MYOZ1: variants seen among roughly 807,000 people sequenced by gnomAD.
MYOZ1 encodes the protein myozenin 1.
MYOZ1 carries 20 observed loss-of-function variants against 28.7 expected under a neutral mutation model. The ratio of observed to expected loss-of-function variants is 0.70; its 90% CI spans 0.49 to 1.01. The LOEUF is 1.01. Among genes scored for constraint, MYOZ1 ranks in the 50% least tolerant of loss-of-function variants. MYOZ1 has a pLI of 0.00. For missense variants in MYOZ1, 371 were observed against 372.4 expected, an observed-to-expected ratio of 1.00 and a Z score of 0.03; for synonymous variants, 144 against 145.8, an observed-to-expected ratio of 0.99 and a Z score of 0.09.
chr10:73,635,606 A>C (rs2081663277), intron 3 of MYOZ1, among the ~76,000 whole-genome samples: 1 of 150,982 alleles, frequency 6.6e-6, no homozygotes, highest in Non-Finnish European at 1.5e-5. Flanking sequence ...CTGGTCTCAA[A>C]CTCCTGGGCT....
Position 73,632,068 on chromosome 10 carries a change from G to T in MYOZ1, c.762C>A (p.Pro254=). 1 of 1,614,164 alleles carries T rather than the reference G, an allele frequency of 6.2e-7. No homozygotes were observed. Among genetic ancestry groups the T allele is most frequent in the Non-Finnish European group, 8.5e-7 (1 of 1,180,042 alleles). The part of the protein sequence containing the change: ...KFDLGPLLSE[P]LVLYNQNLSN... ...AGAGGTTTTGGTTGTAGAGGACCAGGGGTTCACTCAGCAAGGGCCCCAGGT... is the reference window on the plus strand; with the variant it reads ...AGAGGTTTTGGTTGTAGAGGACCAGTGGTTCACTCAGCAAGGGCCCCAGGT... Residue 254 remains proline, a synonymous_variant, in exon 6 of 6, where the codon CCC becomes CCA. Coordinates refer to ENST00000359322, the MANE Select transcript of MYOZ1 (RefSeq NM_021245.4).
chr10:73,636,050 C>A (rs1199859865), intron 3 of MYOZ1, among the ~76,000 whole-genome samples: 1 of 152,170 alleles, frequency 6.6e-6, no homozygotes, highest in Admixed American at 6.5e-5. Flanking sequence ...TAGATATGAG[C>A]AGCTCAGCAC....
At chr10:73,637,654 T>A in intron 3 of MYOZ1, 90 bp downstream of exon 3, 1 of 1,237,262 alleles carries the variant, frequency 8.1e-7, no homozygotes, top group Non-Finnish European at 1.1e-6. Flanking sequence ...AGGGAGGGGA[T>A]GTTGACTGCA....
Position 73,631,830 on chromosome 10 carries a change from A to T in MYOZ1, c.*100T>A, listed in dbSNP as rs1050700706. The T allele has an allele frequency of 2.5e-5, 26 of 1,051,100 alleles. No individual in the cohort carries two copies. Among genetic ancestry groups the T allele is most frequent in the Admixed American group, 8.6e-5 (4 of 46,386 alleles). The allele number at this position is 1,051,100 out of a possible 1,614,324, so 65.1% of individuals were successfully genotyped here. On this transcript the variant is annotated 3_prime_UTR_variant, in exon 6 of 6. Coordinates refer to ENST00000359322, the MANE Select transcript of MYOZ1 (RefSeq NM_021245.4). ...ATCTCTCCTTTTTCCCTCCATTCCC[A>T]TAAGGATACTGGATTAACAATGGGG... is the stretch of plus-strand genomic sequence containing the variant.
At position 73,639,979 on chromosome 10, in the gene MYOZ1, C is replaced by G. The variant is rs759834682; in HGVS notation, c.39G>C (p.Arg13Ser). Reference sequence around the variant, plus strand: ...GTTCCATGATCAGCTTGCTGGATTTCCTCTTCTTATTAGGGGCCGGGGTTC... The same window carrying G: ...GTTCCATGATCAGCTTGCTGGATTTGCTCTTCTTATTAGGGGCCGGGGTTC... ...LSGTPAPNKK[R>S]KSSKLIMELT... The change falls in exon 2 of 6, where the codon AGG becomes AGC. Residue 13 changes from arginine to serine, a missense_variant. Coordinates refer to ENST00000359322, the MANE Select transcript of MYOZ1 (RefSeq NM_021245.4). The G allele has an allele frequency of 8.1e-6, 13 of 1,613,852 alleles. No homozygotes were observed. Among genetic ancestry groups the G allele is most frequent in the Non-Finnish European group, 1.1e-5 (13 of 1,179,952 alleles).
At chr10:73,632,301 G>T in intron 5 of MYOZ1, 140 bp from the exon 6 acceptor site, 1 of 769,506 alleles carries the variant, frequency 1.3e-6, no homozygotes, top group Non-Finnish European at 2.1e-6. Flanking sequence ...TTCTTCCTTA[G>T]CATCCCATTT....
At chr10:73,640,281 C>G (rs1350020514) in intron 1 of MYOZ1, among the ~76,000 whole-genome samples, 1 of 152,118 alleles carries the variant, frequency 6.6e-6, no homozygotes, top group Non-Finnish European at 1.5e-5. Context: ...TCCCAAGTAG[C>G]TGGGACTATA....
rs1564984651 is a variant in MYOZ1, at chr10:73,637,730, A to C, written c.252+14T>G. The C allele has an allele frequency of 6.2e-7, 1 of 1,600,414 alleles. No individual in the cohort carries two copies. Among genetic ancestry groups the C allele is most frequent in the Non-Finnish European group, 8.5e-7 (1 of 1,172,206 alleles). On this transcript the variant is annotated intron_variant, in intron 3 of 5. Transcript: ENST00000359322. ...GCACCAGGCTTTGAGATAGTGATAA[A>C]GTTCCAGACTCACCATTGAGCTGTC...
chr10:73,633,888 C>T lies in MYOZ1; in HGVS notation c.668+12G>A, dbSNP rs558764516. The T allele has an allele frequency of 6.0e-5, 95 of 1,594,884 alleles. No homozygotes were observed. In the South Asian group the frequency reaches 9.5e-4, roughly 16 times the overall value. On this transcript the variant is annotated intron_variant, in intron 5 of 5. Transcript: ENST00000359322. ...ACTAGAATGCATCTGGTTCCTTCCT[C>T]ACCACCCCTACCTGTTGAAGGACTT...
chr10:73,638,638 TTTTA>T (rs71482554), intron 2 of MYOZ1, among the ~76,000 whole-genome samples: 4,397 of 124,074 alleles, frequency 0.035, 62 homozygotes, highest in East Asian at 0.049. Flanking sequence ...CCAGCCTACA[TTTTA>T]TTTATTTATT....
At chr10:73,635,340 A>G (rs1164896082) in intron 3 of MYOZ1, among the ~76,000 whole-genome samples, 1 of 152,016 alleles carries the variant, frequency 6.6e-6, no homozygotes, top group Non-Finnish European at 1.5e-5. Context: ...AAGTCAAAAA[A>G]GACCAACACG....
At chr10:73,632,192 A>G (rs750920977) in intron 5 of MYOZ1, 31 bp from the exon 6 acceptor site, 5 of 1,583,772 alleles carry the variant, frequency 3.2e-6, no homozygotes, top group Non-Finnish European at 3.5e-6. Flanking sequence ...TTAATTAAGA[A>G]TCAGAATAAA....
At chr10:73,638,182 G>C (rs758212689) in intron 2 of MYOZ1, among the ~76,000 whole-genome samples, 1 of 151,726 alleles carries the variant, frequency 6.6e-6, no homozygotes, top group Non-Finnish European at 1.5e-5. Context: ...ACGGGCATGG[G>C]GTACAGAGCA....
intron 2 of MYOZ1, 60 bp downstream of exon 2, chr10:73,639,885 C>G (rs1234120515): frequency 3.4e-5 from 52 of 1,526,562 alleles, no homozygotes; most frequent in Non-Finnish European, 4.7e-5. Flanking sequence ...ATTTCTGGGA[C>G]TCTTGGTTTA....
chr10:73,640,862 C>T (rs2132410078), intron 1 of MYOZ1, among the ~76,000 whole-genome samples: 1 of 152,256 alleles, frequency 6.6e-6, no homozygotes, highest in South Asian at 2.1e-4. Context: ...TTCATCAGGC[C>T]AGCTGGAACA....
chr10:73,633,856 G>A (rs780649746), intron 5 of MYOZ1, 44 bp downstream of exon 5: 1 of 1,550,120 alleles, frequency 6.5e-7, no homozygotes, highest in Non-Finnish European at 8.7e-7. Context: ...AAGACACAGT[G>A]CCTCACACTA....
chr10:73,641,304 G>T (rs1168434687), intron 1 of MYOZ1, 107 bp downstream of exon 1: 2 of 152,210 alleles, frequency 1.3e-5, no homozygotes, highest in African/African-American at 4.8e-5. Context: ...GAGCATAGAT[G>T]AGGAGAGGGG....
At chr10:73,633,821 T>C in intron 5 of MYOZ1, 79 bp downstream of exon 5, 1 of 1,451,088 alleles carries the variant, frequency 6.9e-7, no homozygotes, top group Admixed American at 2.4e-5. Context: ...TTCTGAAACA[T>C]TTGAATTAGT....
intron 5 of MYOZ1, among the ~76,000 whole-genome samples, chr10:73,632,783 CAAAA>C (rs778322709): frequency 1.7e-5 from 2 of 119,904 alleles, no homozygotes; most frequent in Admixed American, 8.7e-5. Context: ...GACTCTGTCT[CAAAA>C]AAAAAAAAAA....
Sources: allele counts gnomAD v4.1 joint callset (sites outside exome capture counted in the v4.1 genomes callset), GRCh38; gene constraint gnomAD v4.1.1; transcripts MANE v1.5; gene names NCBI Gene and HGNC (gene_info 2026-07-23, HGNC 2026-07-21).